Variants in RFX3 observed in about 807,000 individuals in gnomAD.
RFX3 encodes transcription factor RFX3.
RFX3 carries 14 observed loss-of-function variants against 98.6 expected under a neutral mutation model. The ratio of observed to expected loss-of-function variants is 0.14; its 90% CI spans 0.09 to 0.22. The LOEUF is 0.22. RFX3 is among the 10% of genes least tolerant of loss of function. The pLI is 1.00. For synonymous variants in RFX3, 383 were observed against 328.4 expected, an observed-to-expected ratio of 1.17 and a Z score of -1.80; for missense variants, 639 against 926.9, an observed-to-expected ratio of 0.69 and a Z score of 4.03.
At chr9:3,442,280 A>T (rs893494993) in intron 1 of RFX3, among the ~76,000 whole-genome samples, 2 of 152,194 alleles carry the variant, frequency 1.3e-5, no homozygotes, top group Non-Finnish European at 2.9e-5. Flanking sequence ...GTTAAGCAAC[A>T]TCAATGATAA....
chr9:3,449,119 A>G (rs1313087650), intron 1 of RFX3, among the ~76,000 whole-genome samples: 1 of 152,194 alleles, frequency 6.6e-6, no homozygotes, highest in Non-Finnish European at 1.5e-5. Flanking sequence ...AATTGTTGCT[A>G]ATAATACCCT....
chr9:3,242,873 T>C (rs1474306071), intron 15 of RFX3, among the ~76,000 whole-genome samples: 1 of 152,018 alleles, frequency 6.6e-6, no homozygotes, highest in East Asian at 1.9e-4. Context: ...TTTCTCTTTA[T>C]TTGAAAATGG....
intron 1 of RFX3, among the ~76,000 whole-genome samples, chr9:3,438,349 G>GT (rs1845333835): frequency 6.6e-6 from 1 of 152,066 alleles, no homozygotes; most frequent in African/African-American, 2.4e-5. Flanking sequence ...ACTTGATACA[G>GT]TAAGTCTATA....
intron 3 of RFX3, among the ~76,000 whole-genome samples, chr9:3,333,519 G>A (rs1464520234): frequency 2.7e-5 from 4 of 149,492 alleles, no homozygotes; most frequent in Non-Finnish European, 4.4e-5. Context: ...TTTCCCAACT[G>A]GAAATCTCAT....
At chr9:3,256,192 G>A (rs1266499387) in intron 14 of RFX3, among the ~76,000 whole-genome samples, 2 of 151,936 alleles carry the variant, frequency 1.3e-5, no homozygotes, top group Non-Finnish European at 1.5e-5. Flanking sequence ...GGATGGTCTC[G>A]ATCTCCTGAC....
intron 12 of RFX3, 45 bp downstream of exon 12, chr9:3,266,163 A>G (rs764911638): frequency 1.7e-6 from 2 of 1,178,654 alleles, no homozygotes; most frequent in Non-Finnish European, 2.5e-6. Context: ...ACAATTCAGA[A>G]TAATTTCCTC....
At chr9:3,473,978 T>C (rs1171153427) in intron 1 of RFX3, among the ~76,000 whole-genome samples, 1 of 152,176 alleles carries the variant, frequency 6.6e-6, no homozygotes, top group African/African-American at 2.4e-5. Flanking sequence ...AAGCCAAGCA[T>C]AGAATACTGA....
intron 1 of RFX3, among the ~76,000 whole-genome samples, chr9:3,468,199 G>C (rs975941664): frequency 1.3e-5 from 2 of 152,128 alleles, no homozygotes; most frequent in Non-Finnish European, 2.9e-5. Context: ...ACAGTGAATT[G>C]TTACAGCTAA....
chr9:3,229,133 T>A (rs938093135), intron 15 of RFX3, among the ~76,000 whole-genome samples: 1 of 152,226 alleles, frequency 6.6e-6, no homozygotes, highest in African/African-American at 2.4e-5. Context: ...TTCTCTGCTT[T>A]CCTTGCTCCA....
chr9:3,365,244 G>C (rs1360901959), intron 2 of RFX3, among the ~76,000 whole-genome samples: 1 of 141,808 alleles, frequency 7.1e-6, no homozygotes, highest in African/African-American at 2.6e-5. Context: ...AGGTTGCAGT[G>C]AGCCGAGATC....
chr9:3,336,507 G>A (rs1009563872), intron 3 of RFX3, among the ~76,000 whole-genome samples: 1 of 151,990 alleles, frequency 6.6e-6, no homozygotes, highest in Admixed American at 6.6e-5. Context: ...TATTTAGATT[G>A]AAACTAAAAG....
At chr9:3,478,289 T>C (rs1188257772) in intron 1 of RFX3, among the ~76,000 whole-genome samples, 1 of 152,162 alleles carries the variant, frequency 6.6e-6, no homozygotes, top group Non-Finnish European at 1.5e-5. Flanking sequence ...ATTATTCCCC[T>C]AAATTTTTTA....
At chr9:3,246,497 A>C (rs1365634402) in intron 15 of RFX3, among the ~76,000 whole-genome samples, 3 of 152,166 alleles carry the variant, frequency 2.0e-5, no homozygotes, top group African/African-American at 7.2e-5. Flanking sequence ...TGTTAATGAG[A>C]ATCCCCGCCA....
At chr9:3,291,945 T>A (rs2920360) in intron 6 of RFX3, among the ~76,000 whole-genome samples, 1 of 150,946 alleles carries the variant, frequency 6.6e-6, no homozygotes, top group African/African-American at 2.4e-5. Flanking sequence ...TAGTCTCAGC[T>A]ACTTGGGAGG....
intron 2 of RFX3, among the ~76,000 whole-genome samples, chr9:3,394,353 TTC>T (rs1840636213): frequency 1.3e-5 from 2 of 151,982 alleles, no homozygotes; most frequent in Non-Finnish European, 1.5e-5. Context: ...GTCCCAGCTA[TTC>T]TGGAGGCTGA....
chr9:3,328,070 A>T (rs1234270013), intron 4 of RFX3, among the ~76,000 whole-genome samples: 1 of 152,138 alleles, frequency 6.6e-6, no homozygotes, highest in Non-Finnish European at 1.5e-5. Flanking sequence ...AAGTAGGAAT[A>T]CCTAGAAGAG....
intron 2 of RFX3, among the ~76,000 whole-genome samples, chr9:3,366,708 T>TTCTTTCTTTCTTTCTC (rs1837197877): frequency 3.2e-5 from 4 of 125,726 alleles, no homozygotes; most frequent in Non-Finnish European, 6.6e-5. Flanking sequence ...CTTTCTTTCT[T>TTCTTTCTTTCTTTCTC]TCTTTCTTTC....
At chr9:3,275,230 T>C (rs1392246037) in intron 9 of RFX3, among the ~76,000 whole-genome samples, 1 of 152,042 alleles carries the variant, frequency 6.6e-6, no homozygotes, top group Admixed American at 6.6e-5. Context: ...GTAGGACAAA[T>C]ACCTAGAGGT....
intron 2 of RFX3, among the ~76,000 whole-genome samples, chr9:3,390,431 A>T (rs973808321): frequency 6.6e-6 from 1 of 152,202 alleles, no homozygotes; most frequent in East Asian, 1.9e-4. Flanking sequence ...GGCTTTGACC[A>T]AAATGGTGAT....
Sources: gnomAD v4.1 joint callset for allele counts (sites outside exome capture counted in the v4.1 genomes callset) on GRCh38, gnomAD v4.1.1 for gene constraint, MANE v1.5 for transcripts, NCBI Gene and HGNC (gene_info 2026-07-23, HGNC 2026-07-21) for gene names.